Variants in RFX3 observed in about 807,000 individuals in gnomAD.
The protein encoded by RFX3 is transcription factor RFX3.
A neutral mutation model predicts 98.6 loss-of-function variants in RFX3; 14 were observed. The ratio of observed to expected loss-of-function variants is 0.14; its 90% CI spans 0.09 to 0.22. The LOEUF (loss-of-function observed/expected upper bound fraction) is 0.22. RFX3 is among the 10% of genes least tolerant of loss of function. RFX3 has a pLI of 1.00. For missense variants in RFX3, 639 were observed against 926.9 expected (o/e 0.69, Z 4.03); for synonymous variants, 383 against 328.4 (o/e 1.17, Z -1.80).
At chr9:3,328,947 T>A (rs1331802199) in intron 4 of RFX3, among the ~76,000 whole-genome samples, 1 of 152,210 alleles carries the variant, frequency 6.6e-6, no homozygotes, top group Non-Finnish European at 1.5e-5. Flanking sequence ...ATGTAATACC[T>A]AGAAAATCTA....
At chr9:3,451,142 G>GC (rs937003933) in intron 1 of RFX3, among the ~76,000 whole-genome samples, 1 of 152,146 alleles carries the variant, frequency 6.6e-6, no homozygotes, top group African/African-American at 2.4e-5. Flanking sequence ...AGATATAGAA[G>GC]TCAACTAAAA....
At chr9:3,254,474 T>C (rs1821841406) in intron 14 of RFX3, among the ~76,000 whole-genome samples, 1 of 152,148 alleles carries the variant, frequency 6.6e-6, no homozygotes, top group African/African-American at 2.4e-5. Flanking sequence ...ACCACTTACG[T>C]TGTTATCTGG....
At chr9:3,434,042 C>A (rs34621673) in intron 1 of RFX3, among the ~76,000 whole-genome samples, 6,873 of 152,214 alleles carry the variant, frequency 0.045, 183 homozygotes, top group Middle Eastern at 0.075. Context: ...CATGTGAAAT[C>A]TCAATGGAGA....
rs1228203350 is a variant in RFX3, at chr9:3,364,893, T to G, written c.118-18129A>C. 4 of 152,268 alleles carry G rather than the reference T, an allele frequency of 2.6e-5. No homozygotes were observed. The East Asian group carries it at 7.7e-4, about 29-fold the overall frequency. The allele number at this position is 152,268 out of a possible 1,614,324, so 9.4% of individuals were successfully genotyped here. ...TTAATTTTTACTATATTCAGTTTTA[T>G]GAATATAAGATAAATCTTATATTTA... On this transcript the variant is annotated intron_variant, in intron 2 of 16. Transcript: ENST00000617270.
chr9:3,248,320 A>C (rs921643001), intron 14 of RFX3, 135 bp from the exon 15 acceptor site: 9 of 1,103,860 alleles, frequency 8.2e-6, no homozygotes, highest in South Asian at 3.7e-5. Context: ...CCATGAAAGC[A>C]TTTCATTATT....
At chr9:3,343,627 T>C (rs983895763) in intron 3 of RFX3, among the ~76,000 whole-genome samples, 10 of 152,218 alleles carry the variant, frequency 6.6e-5, no homozygotes, top group African/African-American at 2.2e-4. Context: ...TGGTCGCTAG[T>C]TGCTAAAATT....
chr9:3,240,235 A>G (rs903003208), intron 15 of RFX3, among the ~76,000 whole-genome samples: 1 of 152,198 alleles, frequency 6.6e-6, no homozygotes, highest in African/African-American at 2.4e-5. Context: ...GATTTTATTT[A>G]TAGTCTGATT....
chr9:3,287,207 G>T (rs894712714), intron 7 of RFX3, among the ~76,000 whole-genome samples: 9 of 151,862 alleles, frequency 5.9e-5, no homozygotes, highest in Admixed American at 1.3e-4. Flanking sequence ...TAGAGTTAAT[G>T]CTTCTGACTA....
intron 1 of RFX3, among the ~76,000 whole-genome samples, chr9:3,460,975 TATAAG>T (rs928458504): frequency 9.2e-5 from 14 of 151,846 alleles, no homozygotes; most frequent in African/African-American, 2.2e-4. Flanking sequence ...TTATTTTTCT[TATAAG>T]ATGACAGGTT....
chr9:3,298,060 G>A (rs1387354441), intron 5 of RFX3, among the ~76,000 whole-genome samples: 4 of 151,592 alleles, frequency 2.6e-5, no homozygotes, highest in South Asian at 4.2e-4. Context: ...ATCTCATACT[G>A]TAGCATCTTC....
intron 7 of RFX3, among the ~76,000 whole-genome samples, chr9:3,281,064 C>T (rs1169427022): frequency 6.6e-6 from 1 of 151,658 alleles, no homozygotes; most frequent in African/African-American, 2.4e-5. Flanking sequence ...ATCAATTTAA[C>T]AAATATTTAT....
At chr9:3,350,628 T>C (rs1834994817) in intron 2 of RFX3, among the ~76,000 whole-genome samples, 1 of 152,132 alleles carries the variant, frequency 6.6e-6, no homozygotes, top group African/African-American at 2.4e-5. Flanking sequence ...TATAACAACT[T>C]TATTCATAAT....
chr9:3,258,764 C>A (rs983416075), intron 13 of RFX3, among the ~76,000 whole-genome samples: 1 of 151,710 alleles, frequency 6.6e-6, no homozygotes, highest in African/African-American at 2.4e-5. Context: ...ACCTTTCAAA[C>A]TTTTCACATG....
intron 1 of RFX3, among the ~76,000 whole-genome samples, chr9:3,487,311 C>T (rs1850360859): frequency 6.6e-6 from 1 of 152,036 alleles, no homozygotes; most frequent in South Asian, 2.1e-4. Context: ...CATTTTAAGC[C>T]CAAGACATGC....
At chr9:3,502,186 G>A (rs1816101998) in intron 1 of RFX3, among the ~76,000 whole-genome samples, 1 of 151,596 alleles carries the variant, frequency 6.6e-6, no homozygotes, top group African/African-American at 2.4e-5. Flanking sequence ...GTGAACCCGG[G>A]AGGCGGAGCT....
intron 3 of RFX3, among the ~76,000 whole-genome samples, chr9:3,331,314 C>T (rs765024798): frequency 6.6e-6 from 1 of 152,134 alleles, no homozygotes; most frequent in Non-Finnish European, 1.5e-5. Flanking sequence ...CCCTTCCCTC[C>T]CTTTTCTGTT....
At chr9:3,266,384 C>G in intron 11 of RFX3, 79 bp from the exon 12 acceptor site, 2 of 854,340 alleles carry the variant, frequency 2.3e-6, no homozygotes, top group Non-Finnish European at 3.8e-6. Flanking sequence ...AAAGAAAATG[C>G]TCGTACACAA....
intron 15 of RFX3, among the ~76,000 whole-genome samples, chr9:3,234,704 T>C (rs1818907315): frequency 6.6e-6 from 1 of 152,012 alleles, no homozygotes; most frequent in Admixed American, 6.6e-5. Context: ...ACCACTTCAT[T>C]TACAAAAACA....
At position 3,262,857 on chromosome 9, in the gene RFX3, A is replaced by G. The variant is rs958401070; in HGVS notation, c.1605+78T>C. The G allele has an allele frequency of 8.3e-6, 12 of 1,443,692 alleles. No homozygotes were observed. In the African/African-American group the frequency reaches 1.6e-4, roughly 19 times the overall value. 89.4% of individuals were successfully genotyped at this position (1,443,692 alleles called of 1,614,324 possible). ...CATATATAGATGAGACTTTGAAAAG[A>G]AATTTGATGATCCCAATTAAGAAGA... On this transcript the variant is annotated intron_variant, in intron 13 of 16. Transcript: ENST00000617270.
Sources: gnomAD v4.1 joint callset for allele counts (sites outside exome capture counted in the v4.1 genomes callset) on GRCh38, gnomAD v4.1.1 for gene constraint, MANE v1.5 for transcripts, NCBI Gene and HGNC (gene_info 2026-07-23, HGNC 2026-07-21) for gene names.